BEND5: variants seen among roughly 807,000 people sequenced by gnomAD.
BEND5 encodes the protein BEN domain containing 5.
Under a neutral mutation model 43.9 loss-of-function variants are expected in BEND5, and 22 were observed. That is an observed-to-expected ratio of 0.50 (90% CI 0.36 to 0.72). The LOEUF (loss-of-function observed/expected upper bound fraction) is 0.72. Ranked by LOEUF, BEND5 falls within the 30% of genes least tolerant of loss-of-function variation. The pLI is 0.00. For missense variants in BEND5, 428 were observed against 550.6 expected, an observed-to-expected ratio of 0.78 and a Z score of 2.23; for synonymous variants, 228 against 225.9, an observed-to-expected ratio of 1.01 and a Z score of -0.08.
intron 1 of BEND5, among the ~76,000 whole-genome samples, chr1:48,772,773 G>A (rs1644900315): frequency 1.3e-5 from 2 of 152,218 alleles, no homozygotes; most frequent in African/African-American, 4.8e-5. Context: ...GTTTAGATAA[G>A]AGCTGATGCT....
intron 3 of BEND5, among the ~76,000 whole-genome samples, chr1:48,749,789 C>T (rs1052072392): frequency 6.6e-6 from 1 of 152,184 alleles, no homozygotes; most frequent in African/African-American, 2.4e-5. Flanking sequence ...TCTCTCCTGC[C>T]CAACTATCTG....
intron 5 of BEND5, among the ~76,000 whole-genome samples, chr1:48,734,703 A>T (rs1307900922): frequency 6.6e-6 from 1 of 152,154 alleles, no homozygotes; most frequent in Non-Finnish European, 1.5e-5. Context: ...CCACATCCAG[A>T]TTGCAGCTCA....
At chr1:48,731,016 C>T (rs79999736) in intron 5 of BEND5, among the ~76,000 whole-genome samples, 7,401 of 152,206 alleles carry the variant, frequency 0.049, 604 homozygotes, top group African/African-American at 0.17. Context: ...GGGTAAGGAA[C>T]TATTTTAAAA....
chr1:48,751,311 A>G (rs894911303), intron 3 of BEND5, among the ~76,000 whole-genome samples: 10 of 152,234 alleles, frequency 6.6e-5, no homozygotes, highest in African/African-American at 1.9e-4. Context: ...AATGCACTGC[A>G]GTACTGGATG....
At chr1:48,739,044 C>A (rs1358826663) in intron 4 of BEND5, among the ~76,000 whole-genome samples, 1 of 152,174 alleles carries the variant, frequency 6.6e-6, no homozygotes, top group Non-Finnish European at 1.5e-5. Context: ...TTGCTGCCAC[C>A]ACGGTGGTAC....
chr1:48,766,480 C>T (rs745702827), intron 1 of BEND5, among the ~76,000 whole-genome samples: 9 of 152,344 alleles, frequency 5.9e-5, no homozygotes, highest in Non-Finnish European at 1.0e-4. Flanking sequence ...TGCCAGACCA[C>T]GTCCTCTATC....
intron 3 of BEND5, among the ~76,000 whole-genome samples, chr1:48,754,687 T>C (rs1046134101): frequency 2.0e-5 from 3 of 152,178 alleles, no homozygotes; most frequent in African/African-American, 4.8e-5. Flanking sequence ...ATTTTGACAG[T>C]GGAGGAAAGT....
intron 3 of BEND5, among the ~76,000 whole-genome samples, chr1:48,757,480 T>C (rs906193849): frequency 2.6e-5 from 4 of 152,106 alleles, no homozygotes; most frequent in African/African-American, 9.7e-5. Flanking sequence ...AATGGTAGAG[T>C]TGGGGAGTGG....
rs767779765 is a variant in BEND5, at chr1:48,759,107, G to A, written c.538C>T (p.Arg180Trp). 1.9e-6 allele frequency: 3 copies of A among 1,611,822 alleles called. No homozygotes were observed. Among genetic ancestry groups the A allele is most frequent in the Admixed American group, 1.7e-5 (1 of 59,768 alleles). ...CGCAGCAGCTCCTCATACAGAGCCC[G>A]GGGCACCACAGCATCTTCTAGACTG... ...MDSLEDAVVP[R>W]ALYEELLRNY... The change falls in exon 3 of 6, where the codon CGG becomes TGG. Residue 180 changes from arginine (R) to tryptophan (W), a missense_variant. By Grantham distance (101) the Arg-to-Trp change is moderately radical. Coordinates refer to ENST00000371833, the MANE Select transcript of BEND5 (RefSeq NM_024603.4).
At chr1:48,747,329 T>C (rs1186846775) in intron 3 of BEND5, among the ~76,000 whole-genome samples, 1 of 152,210 alleles carries the variant, frequency 6.6e-6, no homozygotes. Context: ...ATACCTTCCA[T>C]GGAAAGAAAA....
chr1:48,744,227 C>T (rs1429653154), intron 3 of BEND5, among the ~76,000 whole-genome samples: 1 of 152,190 alleles, frequency 6.6e-6, no homozygotes, highest in Non-Finnish European at 1.5e-5. Context: ...CCTTTGTCCC[C>T]AGCACCTGGG....
At chr1:48,771,340 G>A (rs1043756537) in intron 1 of BEND5, among the ~76,000 whole-genome samples, 2 of 152,174 alleles carry the variant, frequency 1.3e-5, no homozygotes, top group African/African-American at 4.8e-5. Context: ...TTCTGGATGT[G>A]CTTTTAAAAA....
At chr1:48,744,624 A>C (rs1236939670) in intron 3 of BEND5, among the ~76,000 whole-genome samples, 1 of 152,190 alleles carries the variant, frequency 6.6e-6, no homozygotes, top group Non-Finnish European at 1.5e-5. Context: ...TGGACAACAG[A>C]ATGAATCCAG....
At chr1:48,754,259 C>G (rs1031432175) in intron 3 of BEND5, among the ~76,000 whole-genome samples, 1 of 152,148 alleles carries the variant, frequency 6.6e-6, no homozygotes, top group Admixed American at 6.5e-5. Flanking sequence ...TTACCCTCCC[C>G]CAACTGGGTC....
chr1:48,741,209 T>C (rs188893884), intron 4 of BEND5, among the ~76,000 whole-genome samples: 2 of 152,376 alleles, frequency 1.3e-5, no homozygotes, highest in East Asian at 1.9e-4. Context: ...AAACATAGCA[T>C]AGTCCTATCT....
At chr1:48,769,594 C>T (rs1311750271) in intron 1 of BEND5, among the ~76,000 whole-genome samples, 6 of 148,928 alleles carry the variant, frequency 4.0e-5, no homozygotes, top group African/African-American at 1.5e-4. Context: ...AACTTGTATG[C>T]TCCTTCCAAG....
At chr1:48,746,218 A>C (rs1650729272) in intron 3 of BEND5, among the ~76,000 whole-genome samples, 1 of 152,256 alleles carries the variant, frequency 6.6e-6, no homozygotes, top group Non-Finnish European at 1.5e-5. Context: ...TTCAGAGTCT[A>C]GTACAGAGTG....
At chr1:48,770,167 T>C (rs1644741867) in intron 1 of BEND5, among the ~76,000 whole-genome samples, 1 of 152,256 alleles carries the variant, frequency 6.6e-6, no homozygotes, top group Non-Finnish European at 1.5e-5. Context: ...AGAGCAAGGC[T>C]GATCCTTCCT....
chr1:48,733,900 C>G (rs1177466495), intron 5 of BEND5, among the ~76,000 whole-genome samples: 1 of 152,172 alleles, frequency 6.6e-6, no homozygotes, highest in East Asian at 1.9e-4. Flanking sequence ...GAATCAGATA[C>G]AGTCCCCAGA....
Sources: allele counts gnomAD v4.1 joint callset (sites outside exome capture counted in the v4.1 genomes callset), GRCh38; gene constraint gnomAD v4.1.1; transcripts MANE v1.5; gene names NCBI Gene and HGNC (gene_info 2026-07-23, HGNC 2026-07-21).